PTPRN2: variants seen among roughly 807,000 people sequenced by gnomAD.
The protein encoded by PTPRN2 is receptor-type tyrosine-protein phosphatase N2.
Under a neutral mutation model 118.8 loss-of-function variants are expected in PTPRN2, and 74 were observed. The ratio of observed to expected loss-of-function variants is 0.62; its 90% confidence interval spans 0.52 to 0.76. The LOEUF (loss-of-function observed/expected upper bound fraction) is 0.76. PTPRN2 is among the 30% of genes least tolerant of loss of function. PTPRN2 has a pLI of 0.00. For synonymous variants in PTPRN2, 641 were observed against 608.0 expected, an observed-to-expected ratio of 1.05 and a Z score of -0.80; for missense variants, 1,481 against 1,394.4, an observed-to-expected ratio of 1.06 and a Z score of -0.99.
In PTPRN2 at chr7:157,682,857, G is replaced by C. The variant is rs762559615; in HGVS notation, c.1869C>G (p.Leu623=). ...TKFIALTLVS[L]ACILGVLLAS... ...CCAGGAGGACGCCCAGGATGCAGGC[G>C]AGGGAGACCAGGGTGAGCGCGATGA... The change falls in exon 13 of 23, where the codon CTC becomes CTG. Residue 623 remains leucine (L), a synonymous_variant. Transcript: ENST00000389418. The C allele has an allele frequency of 1.2e-6, 2 of 1,614,000 alleles. No individual in the cohort carries two copies. The highest frequency in any genetic ancestry group is 1.7e-6 in the Non-Finnish European group (2 of 1,179,926).
In PTPRN2 at chr7:158,545,657, C is replaced by T. The variant is rs188172201; in HGVS notation, c.112+41901G>A. On this transcript the variant is annotated intron_variant, in intron 1 of 22. Coordinates refer to ENST00000389418, the MANE Select transcript of PTPRN2 (RefSeq NM_002847.5). ...CAAGTGACCAGCACATTCTCTGAGG[C>T]TCTGGAGTTGCTGTCACCCCCAGCA... Among the ~76,000 whole-genome samples the T allele has an allele frequency of 2.0e-5, 3 of 152,216 alleles. No individual in the cohort carries two copies. In the East Asian group the frequency reaches 5.8e-4, roughly 29 times the overall value.
intron 22 of PTPRN2, among the ~76,000 whole-genome samples, chr7:157,547,088 G>T (rs1798359230): frequency 6.6e-6 from 1 of 152,236 alleles, no homozygotes; most frequent in Non-Finnish European, 1.5e-5. Context: ...GGGAGAGGCT[G>T]CCTGAGAGGC....
intron 17 of PTPRN2, 25 bp from the exon 18 acceptor site, chr7:157,578,165 C>T (rs1800158876): frequency 6.3e-7 from 1 of 1,589,750 alleles, no homozygotes; most frequent in Admixed American, 1.7e-5. Context: ...GGCCCGTGGC[C>T]GCGGTGTGAC....
At chr7:157,817,003 C>T (rs1306185642) in intron 12 of PTPRN2, among the ~76,000 whole-genome samples, 2 of 152,240 alleles carry the variant, frequency 1.3e-5, no homozygotes, top group Non-Finnish European at 2.9e-5. Context: ...GGCCTCCGGC[C>T]AGTCTCGGGC....
chr7:158,308,685 TAATAATTA>T (rs906319126), intron 3 of PTPRN2, among the ~76,000 whole-genome samples: 3 of 25,002 alleles, frequency 1.2e-4, no homozygotes, highest in Non-Finnish European at 5.9e-4. Context: ...TAATTTGAAT[TAATAATTA>T]AATTAATATT....
chr7:157,820,944 A>C (rs1806797971), intron 12 of PTPRN2, among the ~76,000 whole-genome samples: 1 of 152,214 alleles, frequency 6.6e-6, no homozygotes, highest in Non-Finnish European at 1.5e-5. Flanking sequence ...GGGCAGCAGG[A>C]GTGCACCCCG....
intron 3 of PTPRN2, among the ~76,000 whole-genome samples, chr7:158,249,072 A>T (rs979422309): frequency 6.7e-6 from 1 of 148,910 alleles, no homozygotes; most frequent in Admixed American, 6.7e-5. Flanking sequence ...TCACACACAT[A>T]CACCACACAC....
chr7:157,881,574 C>T lies in PTPRN2; in HGVS notation c.1788+17099G>A, dbSNP rs1197961932. ...CGCACATGGTCAACATGGCAACACC[C>T]CCTCAGTACACCCTAGACATCTGAG... is the stretch of plus-strand genomic sequence containing the variant. On this transcript the variant is annotated intron_variant, in intron 12 of 22. Coordinates refer to ENST00000389418, the MANE Select transcript of PTPRN2 (RefSeq NM_002847.5). The surrounding 1 kb of genome is among the most constrained non-coding windows in gnomAD (Gnocchi z 4.7). Among the ~76,000 whole-genome samples, 3 of 152,084 alleles carry T rather than the reference C, an allele frequency of 2.0e-5. No individual in the cohort carries two copies. Among genetic ancestry groups the T allele is most frequent in the Non-Finnish European group, 4.4e-5 (3 of 68,028 alleles).
chr7:157,905,971 T>C (rs1391957202), intron 11 of PTPRN2, among the ~76,000 whole-genome samples: 1 of 152,140 alleles, frequency 6.6e-6, no homozygotes, highest in Non-Finnish European at 1.5e-5. Flanking sequence ...ACAGCCACCG[T>C]AAACAAGCTG....
intron 1 of PTPRN2, among the ~76,000 whole-genome samples, chr7:158,586,881 A>G (rs1176368195): frequency 6.6e-6 from 1 of 152,056 alleles, no homozygotes; most frequent in Non-Finnish European, 1.5e-5. Context: ...CGCGCGCTCC[A>G]GGGCCAGGGG....
At chr7:158,220,401 A>G (rs1828272906) in intron 3 of PTPRN2, among the ~76,000 whole-genome samples, 1 of 152,100 alleles carries the variant, frequency 6.6e-6, no homozygotes, top group Non-Finnish European at 1.5e-5. Context: ...TAGATGATAT[A>G]CTATACATAG....
intron 13 of PTPRN2, among the ~76,000 whole-genome samples, chr7:157,669,178 A>G (rs1079059): frequency 0.51 from 76,768 of 151,808 alleles, 19,550 homozygotes; most frequent in Non-Finnish European, 0.53. Flanking sequence ...GGCCACGCTC[A>G]CTTCTGGAGA....
At chr7:158,056,037 T>C (rs1272667984) in intron 11 of PTPRN2, among the ~76,000 whole-genome samples, 8 of 152,178 alleles carry the variant, frequency 5.3e-5, no homozygotes, top group Non-Finnish European at 1.2e-4. Context: ...GGCCCCTTCC[T>C]CTCTGTCTGG....
In PTPRN2 at chr7:157,810,269, C is replaced by T. The variant is rs147118286; in HGVS notation, c.1788+88404G>A. ...ACATCATGGTCGCAGCGCACCATCC[C>T]CCGTGATCCCAAAGCAGCGATCTAG... On this transcript the variant is annotated intron_variant, in intron 12 of 22. Coordinates refer to ENST00000389418, the MANE Select transcript of PTPRN2 (RefSeq NM_002847.5). Among the ~76,000 whole-genome samples, 508 of 152,374 alleles carry T rather than the reference C, an allele frequency of 3.3e-3. 5 individuals are homozygous for T. The highest frequency in any genetic ancestry group is 0.012 in the African/African-American group (490 of 41,572).
intron 11 of PTPRN2, among the ~76,000 whole-genome samples, chr7:157,900,959 G>A (rs555805039): frequency 6.6e-6 from 1 of 152,220 alleles, no homozygotes; most frequent in East Asian, 1.9e-4. Context: ...AATTTACAAG[G>A]AAAAGAGGTT....
rs1399663872 is a variant in PTPRN2 at position 158,363,223 on chromosome 7, G to A, written c.164-46291C>T. On this transcript the variant is annotated intron_variant, in intron 2 of 22. Transcript: ENST00000389418. The stretch of plus-strand genomic sequence containing the variant: ...AGGGAGGCCAGGAGAGGCTACGGGA[G>A]GACGCTCGGGAGGCCACGAGAGGCT... Among the ~76,000 whole-genome samples the A allele has an allele frequency of 4.6e-5, 7 of 151,956 alleles. No homozygotes were observed. The East Asian group carries it at 1.4e-3, about 30-fold the overall frequency.
At chr7:158,477,797 T>C (rs1820372392) in intron 2 of PTPRN2, among the ~76,000 whole-genome samples, 1 of 152,218 alleles carries the variant, frequency 6.6e-6, no homozygotes, top group African/African-American at 2.4e-5. Flanking sequence ...GCCTGGGATG[T>C]GGATAGGCCC....
rs1489711646 is a variant in PTPRN2 at position 158,524,061 on chromosome 7, G to A, written c.113-34276C>T. On this transcript the variant is annotated intron_variant, in intron 1 of 22. Coordinates refer to ENST00000389418, the MANE Select transcript of PTPRN2 (RefSeq NM_002847.5). ...GTGGAGTCTGCCCTGGAGTGGAGTC[G>A]TCTGCCCTGGAGTGGAGTCATCTAC... Among the ~76,000 whole-genome samples the A allele has an allele frequency of 3.0e-5, 3 of 99,736 alleles. 1 individual carries two copies. Among genetic ancestry groups the A allele is most frequent in the African/African-American group, 1.3e-4 (3 of 23,132 alleles). 65.4% of individuals were successfully genotyped at this position (99,736 alleles called of 152,430 possible).
chr7:158,306,859 T>G (rs895245598), intron 3 of PTPRN2, among the ~76,000 whole-genome samples: 9 of 136,250 alleles, frequency 6.6e-5, no homozygotes, highest in African/African-American at 1.2e-4. Flanking sequence ...TTTTTTGTTT[T>G]TTTTTTTTTT....
Sources: gnomAD v4.1 joint callset for allele counts (sites outside exome capture counted in the v4.1 genomes callset) on GRCh38, gnomAD v4.1.1 for gene constraint, Gnocchi (gnomAD v3.1) non-coding constraint, MANE v1.5 for transcripts, NCBI Gene and HGNC (gene_info 2026-07-23, HGNC 2026-07-21) for gene names.